Variants in IGF2R observed in about 807,000 individuals in gnomAD.
The protein encoded by IGF2R is cation-independent mannose-6-phosphate receptor.
In IGF2R, 91 loss-of-function variants were observed where a neutral mutation model predicts 270.6. That is an observed-to-expected ratio of 0.34 (90% CI 0.28 to 0.40). IGF2R has a LOEUF of 0.40. Ranked by LOEUF, IGF2R falls within the 10% of genes least tolerant of loss-of-function variation. The probability of loss-of-function intolerance (pLI) is 1.00; values close to 1 mark genes in which losing one functional copy is unlikely to be tolerated. For missense variants in IGF2R, 2,805 were observed against 3,188.3 expected, an observed-to-expected ratio of 0.88 and a Z score of 2.90; for synonymous variants, 1,316 against 1,258.9, an observed-to-expected ratio of 1.05 and a Z score of -0.96.
intron 37 of IGF2R, among the ~76,000 whole-genome samples, chr6:160,079,202 G>T (rs1036393968): frequency 6.6e-6 from 1 of 152,212 alleles, no homozygotes; most frequent in Non-Finnish European, 1.5e-5. Flanking sequence ...AGCGTGCAGC[G>T]TCGGCTCTGC....
chr6:160,023,316 A>G (rs1171059208), intron 4 of IGF2R, among the ~76,000 whole-genome samples: 1 of 151,988 alleles, frequency 6.6e-6, no homozygotes, highest in Admixed American at 6.6e-5. Context: ...GGGGACCTTA[A>G]GGTTTTGGCT....
Position 160,062,596 on chromosome 6 carries a change from C to T in IGF2R, c.3647C>T (p.Ala1216Val). The change falls in exon 26 of 48, where the codon GCC (alanine) becomes GTC (valine). Residue 1216 changes from alanine (A) to valine (V), a missense_variant. Coordinates refer to ENST00000356956, the MANE Select transcript of IGF2R (RefSeq NM_000876.4). Reference protein sequence around the residue: ...EYVFIWRTVEACPVVRVEGDN... With the variant: ...EYVFIWRTVEVCPVVRVEGDN... ...GTGTTTATCTGGAGAACTGTGGAAG[C>T]CTGTCCCGTTGTCAGAGTGGAAGGT... 1 of 1,613,624 alleles carries T rather than the reference C, an allele frequency of 6.2e-7. No individual in the cohort carries two copies. The highest frequency in any genetic ancestry group is 8.5e-7 in the Non-Finnish European group (1 of 1,179,582).
rs1175824965 is a variant in IGF2R, at chr6:160,078,245, C to T, written c.5361C>T (p.Phe1787=). 1.9e-6 allele frequency: 3 copies of T among 1,614,050 alleles called. No individual in the cohort carries two copies. Among genetic ancestry groups the T allele is most frequent in the Non-Finnish European group, 1.7e-6 (2 of 1,180,028 alleles). ...LLRTSECDFV[F]EWETPVVCPD... ...GGACCAGCGAGTGCGACTTTGTGTT[C>T]GAATGGGAGACTCCTGTCGTCTGTC... is the stretch of plus-strand genomic sequence containing the variant. Residue 1787 remains phenylalanine, a synonymous_variant, in exon 37 of 48, where the codon TTC becomes TTT. Coordinates refer to ENST00000356956, the MANE Select transcript of IGF2R (RefSeq NM_000876.4).
At position 159,990,316 on chromosome 6, in the gene IGF2R, A is replaced by G. The variant is rs189936571; in HGVS notation, c.150-868A>G. On this transcript the variant is annotated intron_variant, in intron 1 of 47. Coordinates refer to ENST00000356956, the MANE Select transcript of IGF2R (RefSeq NM_000876.4). ...TGTGGGAGGGACCTGGTGGGAGGCAATTGAATCATGGGGGCGGTTACCCTT... is the reference window on the plus strand; with the variant it reads ...TGTGGGAGGGACCTGGTGGGAGGCAGTTGAATCATGGGGGCGGTTACCCTT... 8.1e-4 allele frequency among the ~76,000 whole-genome samples: 123 copies of G among 152,236 alleles called. 1 individual carries two copies. The highest frequency in any genetic ancestry group is 2.5e-3 in the African/African-American group (103 of 41,544).
At chr6:160,078,704 A>G (rs894818) in intron 37 of IGF2R, among the ~76,000 whole-genome samples, 69,089 of 152,052 alleles carry the variant, frequency 0.45, 16,468 homozygotes, top group East Asian at 0.67. Context: ...ATCCATGGGG[A>G]CAGGGCCAGC....
In IGF2R at chr6:159,998,031, C is replaced by G. The variant is rs1453678003; in HGVS notation, c.289+6708C>G. ...CCTGGGATTGAGATCTGAGAAAGCA[C>G]TAGATTGTTGTGAATTCTTGGGTCT... On this transcript the variant is annotated intron_variant, in intron 2 of 47. Coordinates refer to ENST00000356956, the MANE Select transcript of IGF2R (RefSeq NM_000876.4). The surrounding 1 kb of genome is among the most constrained non-coding windows in gnomAD (Gnocchi z 4.1). 6.6e-6 allele frequency among the ~76,000 whole-genome samples: 1 copy of G among 152,110 alleles called. No individual in the cohort carries two copies. The highest frequency in any genetic ancestry group is 1.5e-5 in the Non-Finnish European group (1 of 68,026).
chr6:160,081,664 A>G (rs999190162), intron 39 of IGF2R, among the ~76,000 whole-genome samples: 1 of 152,232 alleles, frequency 6.6e-6, no homozygotes, highest in African/African-American at 2.4e-5. Flanking sequence ...ACACCCCTAG[A>G]GTGGCCATTT....
chr6:160,026,422 T>C (rs1470150027), intron 5 of IGF2R, among the ~76,000 whole-genome samples: 4 of 152,274 alleles, frequency 2.6e-5, no homozygotes, highest in South Asian at 4.1e-4. Context: ...GGAGAAGGGT[T>C]GTTTGAATCC....
At chr6:160,043,552 T>G (rs76426105) in intron 12 of IGF2R, among the ~76,000 whole-genome samples, 1,723 of 152,366 alleles carry the variant, frequency 0.011, 16 homozygotes, top group Middle Eastern at 0.054. Context: ...TACATCATCT[T>G]TTTAGTTTGT....
chr6:160,002,791 G>A (rs938282558), intron 2 of IGF2R, among the ~76,000 whole-genome samples: 6 of 152,024 alleles, frequency 3.9e-5, no homozygotes, highest in Non-Finnish European at 5.9e-5. Flanking sequence ...ATACTGTGTC[G>A]TAAGTCTGAA....
intron 18 of IGF2R, among the ~76,000 whole-genome samples, chr6:160,048,753 C>T (rs1219985775): frequency 6.6e-6 from 1 of 152,230 alleles, no homozygotes; most frequent in Non-Finnish European, 1.5e-5. Flanking sequence ...ATGGAGAATG[C>T]TGTGTTGCAG....
At chr6:160,073,064 A>G (rs753409899) in intron 33 of IGF2R, 149 bp from the exon 34 acceptor site, 44 of 1,346,208 alleles carry the variant, frequency 3.3e-5, no homozygotes, top group East Asian at 6.9e-5. Context: ...TGAACATTCA[A>G]TGTAAAACAA....
At position 159,969,109 on chromosome 6, in the gene IGF2R, C is replaced by G. The variant is rs1238545802; in HGVS notation, c.-138C>G. On this transcript the variant is annotated 5_prime_UTR_variant, in exon 1 of 48. Coordinates refer to ENST00000356956, the MANE Select transcript of IGF2R (RefSeq NM_000876.4). ...CGCTGTCGCTGTCGCCGAGCCCAGT[C>G]GAGCCGCGCTCACCTCGGGCTCCCG... The G allele has an allele frequency of 2.1e-5, 8 of 380,836 alleles. No individual in the cohort carries two copies. Among genetic ancestry groups the G allele is most frequent in the African/African-American group, 4.4e-5 (2 of 45,082 alleles). The allele number at this position is 380,836 out of a possible 1,614,324, so 23.6% of individuals were successfully genotyped here.
At position 160,010,223 on chromosome 6, in the gene IGF2R, C is replaced by T. The variant is rs117346103; in HGVS notation, c.415-464C>T. 25 of 155,534 alleles carry T rather than the reference C, an allele frequency of 1.6e-4. 1 individual carries two copies. In the East Asian group the frequency reaches 3.2e-3, roughly 20 times the overall value. The allele number at this position is 155,534 out of a possible 1,614,324, so 9.6% of individuals were successfully genotyped here. A position where few individuals can be genotyped will look rare whatever the true frequency, so the allele number is the denominator to read the frequency against. Reference sequence around the variant, plus strand: ...ACCTGTTTGTAGTCCACTCTGGTTGCGGTTAACAGGAGGGGCTGCCTTGGA... The same window carrying T: ...ACCTGTTTGTAGTCCACTCTGGTTGTGGTTAACAGGAGGGGCTGCCTTGGA... On this transcript the variant is annotated intron_variant, in intron 3 of 47. Transcript: ENST00000356956.
Position 160,104,716 on chromosome 6 carries a change from C to G in IGF2R, c.7108C>G (p.Leu2370Val). 1 of 1,613,884 alleles carries G rather than the reference C, an allele frequency of 6.2e-7. No individual in the cohort carries two copies. Among genetic ancestry groups the G allele is most frequent in the Non-Finnish European group, 8.5e-7 (1 of 1,179,924 alleles). ...EETDENETEWLMEEIQLPPPR... is the reference protein window; with the variant it reads ...EETDENETEWVMEEIQLPPPR... ...GACAGATGAGAATGAAACAGAGTGG[C>G]TGATGGAAGAGATCCAGCTGCCTCC... Residue 2370 changes from leucine to valine, a missense_variant, in exon 48 of 48, where the codon CTG becomes GTG. Coordinates refer to ENST00000356956, the MANE Select transcript of IGF2R (RefSeq NM_000876.4).
chr6:160,080,211 G>A lies in IGF2R; in HGVS notation c.5769G>A (p.Ala1923=), dbSNP rs766912691. ...AGGAGTGCATCATAGAGAGCAGGGC[G>A]AAGCTGTGGTGTAGCACAACTGCGG... ...SYEECIIESR[A]KLWCSTTADY... is the part of the protein sequence containing the mutation. Residue 1923 remains alanine (A), a synonymous_variant, in exon 39 of 48, where the codon GCG becomes GCA. Transcript: ENST00000356956. 27 of 1,614,100 alleles carry A rather than the reference G, an allele frequency of 1.7e-5. No individual in the cohort carries two copies. Among genetic ancestry groups the A allele is most frequent in the East Asian group, 1.1e-4 (5 of 44,894 alleles).
Position 160,024,619 on chromosome 6 carries a change from T to A in IGF2R, c.561T>A (p.Asn187Lys). The change falls in exon 5 of 48, where the codon AAT becomes AAA. Residue 187 changes from asparagine (N) to lysine (K), a missense_variant. By Grantham distance (94) the Asn-to-Lys change is moderately conservative. Around this residue, in one of 2 missense-constraint regions of IGF2R, gnomAD observed 954 missense variants for 981.1 expected, o/e 0.97. Coordinates refer to ENST00000356956, the MANE Select transcript of IGF2R (RefSeq NM_000876.4). ...AAGAGTTGAGGAAGCATGATCTCAA[T>A]CCTCTGATCAAGCTTAGTGGTGCCT... is the stretch of plus-strand genomic sequence containing the variant. Reference protein sequence around the residue: ...FDEELRKHDLNPLIKLSGAYL... With the variant: ...FDEELRKHDLKPLIKLSGAYL... The A allele has an allele frequency of 6.2e-7, 1 of 1,613,848 alleles. No homozygotes were observed. The highest frequency in any genetic ancestry group is 8.5e-7 in the Non-Finnish European group (1 of 1,179,766).
At position 160,084,955 on chromosome 6, in the gene IGF2R, C is replaced by G; in HGVS notation, c.6069-40C>G. On this transcript the variant is annotated intron_variant, in intron 40 of 47. Transcript: ENST00000356956. The surrounding 1 kb of genome is among the most constrained non-coding windows in gnomAD (Gnocchi z 4.6). ...CTCCTGTGTCAGGGCAGAGACGTCA[C>G]TTGCATGCCTTTTACCTGCCCCTTT... 1 of 1,594,490 alleles carries G rather than the reference C, an allele frequency of 6.3e-7. No homozygotes were observed. Among genetic ancestry groups the G allele is most frequent in the Non-Finnish European group, 8.6e-7 (1 of 1,164,880 alleles).
In IGF2R at chr6:160,058,886, T is replaced by C. The variant is rs1380852814; in HGVS notation, c.2899-20T>C. ...CGAGGCATAAATTTGTTTGTATGGCTCTTACCGTCTGACCTGCAGTTTAAT... is the reference window on the plus strand; with the variant it reads ...CGAGGCATAAATTTGTTTGTATGGCCCTTACCGTCTGACCTGCAGTTTAAT... On this transcript the variant is annotated intron_variant, in intron 21 of 47. Transcript: ENST00000356956. 1.2e-6 allele frequency: 2 copies of C among 1,611,148 alleles called. No individual in the cohort carries two copies. Among genetic ancestry groups the C allele is most frequent in the East Asian group, 2.2e-5 (1 of 44,860 alleles).
Sources: gnomAD v4.1 joint callset for allele counts (sites outside exome capture counted in the v4.1 genomes callset) on GRCh38, gnomAD v4.1.1 for gene constraint, gnomAD v4.1.1 regional missense constraint, Gnocchi (gnomAD v3.1) non-coding constraint, MANE v1.5 for transcripts, NCBI Gene and HGNC (gene_info 2026-07-23, HGNC 2026-07-21) for gene names.